IL1RAPL2: variants seen among roughly 807,000 people sequenced by gnomAD.
IL1RAPL2 encodes interleukin 1 receptor accessory protein like 2.
Under a neutral mutation model 44.1 loss-of-function variants are expected in IL1RAPL2, and 3 were observed. The observed-to-expected ratio is 0.07, with a 90% confidence interval of 0.03 to 0.18. The LOEUF (loss-of-function observed/expected upper bound fraction) is 0.18, where lower values mean the gene tolerates loss of function less well. Among genes scored for constraint, IL1RAPL2 ranks in the 10% least tolerant of loss-of-function variants. The probability of loss-of-function intolerance (pLI) is 1.00; values close to 1 mark genes in which losing one functional copy is unlikely to be tolerated. For synonymous variants in IL1RAPL2, 181 were observed against 178.8 expected (o/e 1.01, Z -0.10); for missense variants, 391 against 496.4 (o/e 0.79, Z 2.02).
chrX:104,611,602 C>A (rs904791215), intron 1 of IL1RAPL2, among the ~76,000 whole-genome samples: 24 of 110,515 alleles, frequency 2.2e-4, no homozygotes, highest in Non-Finnish European at 3.8e-5. Context: ...CTTTGGGAGG[C>A]TGAGGCGGAC....
At chrX:105,235,975 G>A (rs1332241254) in intron 4 of IL1RAPL2, among the ~76,000 whole-genome samples, 1 of 112,307 alleles carries the variant, frequency 8.9e-6, no homozygotes, top group Non-Finnish European at 1.9e-5. Context: ...CTCCGGCAAT[G>A]GGCCTGGGAC....
intron 2 of IL1RAPL2, among the ~76,000 whole-genome samples, chrX:104,977,052 A>G (rs1380847571): frequency 8.9e-6 from 1 of 111,924 alleles, no homozygotes; most frequent in Non-Finnish European, 1.9e-5. Context: ...GTGACTTTTC[A>G]CTGACCACTT....
chrX:104,895,361 C>T (rs749353853), intron 2 of IL1RAPL2, among the ~76,000 whole-genome samples: 116 of 112,745 alleles, frequency 1.0e-3, no homozygotes, highest in Non-Finnish European at 1.7e-3. Context: ...GCCTTTTGTT[C>T]GGCTATGCCC....
At chrX:105,207,902 G>C (rs2033777177) in intron 3 of IL1RAPL2, among the ~76,000 whole-genome samples, 1 of 112,381 alleles carries the variant, frequency 8.9e-6, no homozygotes, top group South Asian at 3.7e-4. Flanking sequence ...ATACATGAGG[G>C]AAAGTGATAC....
rs552727243 is a variant in IL1RAPL2 at position 104,951,412 on chromosome X, A to G, written c.83-244063A>G. 3.2e-4 allele frequency among the ~76,000 whole-genome samples: 36 copies of G among 112,129 alleles called. No individual in the cohort carries two copies. The South Asian group carries it at 0.012, about 38-fold the overall frequency. ...GTAAGACCTAAAATTTTGAGATTCT[A>G]TTTTTTCTTTTGTAAATTGAATGCA... On this transcript the variant is annotated intron_variant, in intron 2 of 10. Transcript: ENST00000372582.
chrX:105,051,737 G>A (rs1237782876), intron 2 of IL1RAPL2, among the ~76,000 whole-genome samples: 3 of 112,803 alleles, frequency 2.7e-5, no homozygotes, highest in Non-Finnish European at 3.8e-5. Context: ...TGCGGTAGCC[G>A]GTGTGATGGC....
Position 104,913,553 on chromosome X carries a change from G to A in IL1RAPL2, c.82+254558G>A, listed in dbSNP as rs923577762. ...GAGGCTGATTAAGTGCATTTCATTT[G>A]TGAATGGAATTTTAAGCAACAGTAA... On this transcript the variant is annotated intron_variant, in intron 2 of 10. Coordinates refer to ENST00000372582, the MANE Select transcript of IL1RAPL2 (RefSeq NM_017416.2). Among the ~76,000 whole-genome samples, 7 of 111,773 alleles carry A rather than the reference G, an allele frequency of 6.3e-5. No homozygotes were observed. In the Admixed American group the frequency reaches 6.7e-4, roughly 11 times the overall value.
At chrX:105,557,820 A>G (rs1220519392) in intron 6 of IL1RAPL2, among the ~76,000 whole-genome samples, 5 of 111,716 alleles carry the variant, frequency 4.5e-5, no homozygotes, top group Admixed American at 1.9e-4. Flanking sequence ...TAGAAAAAAA[A>G]TGTGTTATGT....
chrX:104,610,919 C>T (rs1372913814), intron 1 of IL1RAPL2, among the ~76,000 whole-genome samples: 1 of 111,952 alleles, frequency 8.9e-6, no homozygotes. Context: ...GGCCCCTCAG[C>T]AGCAGGTCTG....
intron 2 of IL1RAPL2, among the ~76,000 whole-genome samples, chrX:104,816,299 C>G (rs1019767636): frequency 1.8e-4 from 20 of 111,696 alleles, no homozygotes; most frequent in African/African-American, 6.5e-4. Context: ...TTTAGATTAA[C>G]CACCCCAAAG....
At chrX:104,942,603 A>T (rs1414329906) in intron 2 of IL1RAPL2, among the ~76,000 whole-genome samples, 1 of 111,600 alleles carries the variant, frequency 9.0e-6, no homozygotes, top group Non-Finnish European at 1.9e-5. Context: ...GGCTTAAATG[A>T]TGGGGTTTTC....
chrX:105,345,745 G>A (rs995723381), intron 5 of IL1RAPL2, among the ~76,000 whole-genome samples: 4 of 111,196 alleles, frequency 3.6e-5, no homozygotes, highest in African/African-American at 9.8e-5. Flanking sequence ...GATATACAAC[G>A]GAATGTGTCC....
intron 2 of IL1RAPL2, among the ~76,000 whole-genome samples, chrX:105,020,280 C>T (rs956997711): frequency 2.7e-5 from 3 of 111,316 alleles, no homozygotes; most frequent in East Asian, 2.8e-4. Context: ...TCACTGGGCC[C>T]GACCTAGGCA....
rs182848552 is a variant in IL1RAPL2, at chrX:105,696,684, G to A, written c.773-20683G>A. Among the ~76,000 whole-genome samples, 361 of 111,170 alleles carry A rather than the reference G, an allele frequency of 3.2e-3. 1 individual carries two copies. The highest frequency in any genetic ancestry group is 0.011 in the African/African-American group (329 of 30,611). ...ATGGCAGGGAGAAGACTGTGACTTA[G>A]GGCACATGTGAATACCTAGGGCTCA... On this transcript the variant is annotated intron_variant, in intron 6 of 10. Coordinates refer to ENST00000372582, the MANE Select transcript of IL1RAPL2 (RefSeq NM_017416.2).
chrX:105,002,473 A>T (rs971550497), intron 2 of IL1RAPL2, among the ~76,000 whole-genome samples: 3 of 111,288 alleles, frequency 2.7e-5, no homozygotes, highest in Non-Finnish European at 5.7e-5. Context: ...ATATTTTGAA[A>T]TTTCTCCTTG....
chrX:105,484,781 G>A (rs1290752275), intron 6 of IL1RAPL2, among the ~76,000 whole-genome samples: 4 of 111,017 alleles, frequency 3.6e-5, no homozygotes, highest in African/African-American at 6.5e-5. Context: ...CTTCGGTTTC[G>A]CCTTTAAAAT....
chrX:105,646,002 A>AT (rs934106768), intron 6 of IL1RAPL2, among the ~76,000 whole-genome samples: 2 of 109,993 alleles, frequency 1.8e-5, no homozygotes, highest in African/African-American at 6.6e-5. Context: ...CCCACTCCAG[A>AT]TTTTTTTTCC....
intron 2 of IL1RAPL2, among the ~76,000 whole-genome samples, chrX:105,079,567 A>G (rs1373142900): frequency 9.1e-6 from 1 of 109,554 alleles, no homozygotes; most frequent in East Asian, 3.0e-4. Flanking sequence ...TCCATGGTGT[A>G]TATGTGCCAC....
chrX:105,017,745 A>G (rs2031210219), intron 2 of IL1RAPL2, among the ~76,000 whole-genome samples: 1 of 111,306 alleles, frequency 9.0e-6, no homozygotes, highest in African/African-American at 3.3e-5. Context: ...AGTAGGTGAG[A>G]GGCCATGGGC....
Sources: gnomAD v4.1 joint callset for allele counts (sites outside exome capture counted in the v4.1 genomes callset) on GRCh38, gnomAD v4.1.1 for gene constraint, MANE v1.5 for transcripts, NCBI Gene and HGNC (gene_info 2026-07-23, HGNC 2026-07-21) for gene names.